The following TPRG1 variants were observed in gnomAD, a reference collection of about 807,000 sequenced individuals.
TPRG1 encodes the protein tumor protein p63-regulated gene 1 protein.
Under a neutral mutation model 29.3 loss-of-function variants are expected in TPRG1, and 29 were observed. That is an observed-to-expected ratio of 0.99 (90% CI 0.74 to 1.35). The LOEUF is 1.35. Ranked by LOEUF, TPRG1 falls within the 40% of genes most tolerant of loss-of-function variation. The pLI is 0.00. For synonymous variants in TPRG1, 130 were observed against 116.8 expected (o/e 1.11, Z -0.73); for missense variants, 327 against 335.0 (o/e 0.98, Z 0.19).
At chr3:189,071,978 G>A (rs1468947226) in intron 4 of TPRG1, among the ~76,000 whole-genome samples, 1 of 152,170 alleles carries the variant, frequency 6.6e-6, no homozygotes, top group Non-Finnish European at 1.5e-5. Context: ...TATATGCATG[G>A]ACAGTAAAGC....
intron 4 of TPRG1, among the ~76,000 whole-genome samples, chr3:189,246,943 T>G (rs1453616719): frequency 6.6e-6 from 1 of 152,158 alleles, no homozygotes; most frequent in Admixed American, 6.5e-5. Flanking sequence ...GACTTTGATG[T>G]GCTACATGTG....
At chr3:189,185,488 A>G (rs1173033698) in intron 1 of TPRG1, among the ~76,000 whole-genome samples, 1 of 152,164 alleles carries the variant, frequency 6.6e-6, no homozygotes, top group Non-Finnish European at 1.5e-5. Context: ...GGCCTCCCAA[A>G]GCACTGGGAT....
At chr3:189,287,588 G>A (rs951575613) in intron 4 of TPRG1, among the ~76,000 whole-genome samples, 29 of 151,930 alleles carry the variant, frequency 1.9e-4, no homozygotes, top group Non-Finnish European at 4.0e-4. Flanking sequence ...TAGTAGAGAC[G>A]GGGTTTCACC....
At chr3:189,242,625 G>A (rs1740798186) in intron 4 of TPRG1, among the ~76,000 whole-genome samples, 1 of 151,956 alleles carries the variant, frequency 6.6e-6, no homozygotes, top group African/African-American at 2.4e-5. Context: ...TGGCTATGCT[G>A]CCATCATAAA....
chr3:189,005,662 A>C (rs941081312), intron 3 of TPRG1, among the ~76,000 whole-genome samples: 3 of 152,096 alleles, frequency 2.0e-5, no homozygotes, highest in Admixed American at 6.6e-5. Context: ...GGGCACGTAC[A>C]TGTGGCTAAG....
At chr3:189,007,048 G>A (rs1712328384) in intron 3 of TPRG1, among the ~76,000 whole-genome samples, 2 of 151,960 alleles carry the variant, frequency 1.3e-5, no homozygotes, top group South Asian at 2.1e-4. Flanking sequence ...TGACAAATGG[G>A]ATCTAATTAA....
intron 5 of TPRG1, among the ~76,000 whole-genome samples, chr3:189,314,040 GAATT>G (rs1289109784): frequency 2.0e-5 from 3 of 152,146 alleles, no homozygotes; most frequent in Non-Finnish European, 2.9e-5. Flanking sequence ...TCAGGAGAGA[GAATT>G]AATGAAAGCA....
chr3:189,307,969 A>G (rs1721882258), intron 4 of TPRG1, among the ~76,000 whole-genome samples: 1 of 152,158 alleles, frequency 6.6e-6, no homozygotes. Flanking sequence ...AGTGGGGCTA[A>G]TTAGATGCTT....
At chr3:189,226,701 AC>A (rs1443601194) in intron 3 of TPRG1, among the ~76,000 whole-genome samples, 1 of 123,878 alleles carries the variant, frequency 8.1e-6, no homozygotes, top group Non-Finnish European at 1.6e-5. Context: ...AAAAAATTAA[AC>A]AAAAAAAACC....
rs576833454 is a variant in TPRG1 at position 189,190,804 on chromosome 3, C to A, written c.-9-16572C>A. Among the ~76,000 whole-genome samples, 5 of 152,226 alleles carry A rather than the reference C, an allele frequency of 3.3e-5. No homozygotes were observed. In the East Asian group the frequency reaches 9.7e-4, roughly 29 times the overall value. On this transcript the variant is annotated intron_variant, in intron 1 of 5. Coordinates refer to ENST00000345063, the MANE Select transcript of TPRG1 (RefSeq NM_198485.4). Reference sequence around the variant, plus strand: ...AATATATAGAGATGGCATTACCAACCACTCTTCATAATGAGTTCTTTCATT... The same window carrying A: ...AATATATAGAGATGGCATTACCAACAACTCTTCATAATGAGTTCTTTCATT...
chr3:189,263,408 T>G (rs1713489868), intron 4 of TPRG1, among the ~76,000 whole-genome samples: 1 of 152,230 alleles, frequency 6.6e-6, no homozygotes, highest in African/African-American at 2.4e-5. Flanking sequence ...AACTTGGACC[T>G]GCTAGATCCC....
intron 1 of TPRG1, among the ~76,000 whole-genome samples, chr3:189,108,989 TTCTGACA>T (rs1296327823): frequency 2.0e-5 from 3 of 152,118 alleles, no homozygotes; most frequent in African/African-American, 7.2e-5. Flanking sequence ...CTGCTTGTCT[TTCTGACA>T]TTTGTCATGA....
intron 4 of TPRG1, among the ~76,000 whole-genome samples, chr3:189,276,806 C>T (rs964525848): frequency 1.3e-5 from 2 of 152,124 alleles, no homozygotes; most frequent in African/African-American, 2.4e-5. Context: ...CCCCCTTAAG[C>T]AAGCTGCTTC....
chr3:189,127,388 C>T (rs937041751), intron 2 of TPRG1, among the ~76,000 whole-genome samples: 4 of 152,126 alleles, frequency 2.6e-5, no homozygotes, highest in Admixed American at 1.3e-4. Flanking sequence ...TTTTAGAGAT[C>T]ATATAGGTGC....
intron 4 of TPRG1, among the ~76,000 whole-genome samples, chr3:189,287,002 A>G (rs1184143197): frequency 6.6e-6 from 1 of 152,176 alleles, no homozygotes; most frequent in East Asian, 1.9e-4. Flanking sequence ...ACAGTTGTTG[A>G]TGATGAATTT....
intron 4 of TPRG1, among the ~76,000 whole-genome samples, chr3:189,298,905 C>A (rs1193948566): frequency 6.6e-6 from 1 of 152,130 alleles, no homozygotes. Context: ...TACCCACCAC[C>A]CTCTCGGGCA....
chr3:189,174,431 C>T (rs2108673459), intron 1 of TPRG1, among the ~76,000 whole-genome samples: 1 of 152,234 alleles, frequency 6.6e-6, no homozygotes, highest in African/African-American at 2.4e-5. Flanking sequence ...AACATGTTTT[C>T]CCCCATCCTC....
chr3:189,196,720 A>G (rs766531656), intron 1 of TPRG1, among the ~76,000 whole-genome samples: 16 of 152,234 alleles, frequency 1.1e-4, no homozygotes, highest in Non-Finnish European at 2.1e-4. Context: ...GCCAAATCAT[A>G]TCACACTGGT....
chr3:189,049,464 C>T (rs1715176541), intron 4 of TPRG1, among the ~76,000 whole-genome samples: 1 of 152,136 alleles, frequency 6.6e-6, no homozygotes, highest in Non-Finnish European at 1.5e-5. Flanking sequence ...GGGAATCTCA[C>T]CCCCATACCC....
Sources: gnomAD v4.1 joint callset for allele counts (sites outside exome capture counted in the v4.1 genomes callset) on GRCh38, gnomAD v4.1.1 for gene constraint, MANE v1.5 for transcripts, NCBI Gene and HGNC (gene_info 2026-07-23, HGNC 2026-07-21) for gene names.